The following SLC30A9 variants were observed in gnomAD, a reference collection of about 807,000 sequenced individuals.
SLC30A9 encodes proton-coupled zinc antiporter SLC30A9, mitochondrial.
A neutral mutation model predicts 87.5 loss-of-function variants in SLC30A9; 58 were observed. That is an observed-to-expected ratio of 0.66 (90% CI 0.54 to 0.82). The LOEUF (loss-of-function observed/expected upper bound fraction) is 0.82, where lower values mean the gene tolerates loss of function less well. SLC30A9 is among the 40% of genes least tolerant of loss of function. The pLI, the probability that SLC30A9 is intolerant of heterozygous loss-of-function variation, is 0.00. For missense variants in SLC30A9, 557 were observed against 679.1 expected (o/e 0.82, Z 2.00); for synonymous variants, 234 against 233.0 (o/e 1.00, Z -0.04).
intron 12 of SLC30A9, 130 bp from the exon 13 acceptor site, chr4:42,066,420 A>G (rs1418495159): frequency 1.5e-5 from 8 of 532,568 alleles, no homozygotes; most frequent in Admixed American, 1.3e-4. Flanking sequence ...ACTAATTAAC[A>G]TAGAACTTGT....
At chr4:42,013,717 T>C (rs1469972257) in intron 2 of SLC30A9, among the ~76,000 whole-genome samples, 1 of 152,162 alleles carries the variant, frequency 6.6e-6, no homozygotes, top group Non-Finnish European at 1.5e-5. Context: ...ACTAGACCCC[T>C]TCTCTCGCCA....
intron 2 of SLC30A9, among the ~76,000 whole-genome samples, chr4:42,012,557 G>A (rs987334021): frequency 1.3e-5 from 2 of 152,132 alleles, no homozygotes; most frequent in Admixed American, 6.5e-5. Context: ...AGCGCGTGAT[G>A]GAGAATGGGG....
chr4:42,014,208 T>A (rs1302261934), intron 2 of SLC30A9, among the ~76,000 whole-genome samples: 1 of 152,118 alleles, frequency 6.6e-6, no homozygotes, highest in Non-Finnish European at 1.5e-5. Flanking sequence ...TTCAAAAGGC[T>A]TTTATCCAAA....
At chr4:42,021,802 T>C (rs1271837744) in intron 4 of SLC30A9, among the ~76,000 whole-genome samples, 1 of 152,038 alleles carries the variant, frequency 6.6e-6, no homozygotes. Context: ...CAGGCTGGAG[T>C]GCAGTGGCAC....
At chr4:41,991,734 A>G (rs556054149) in intron 1 of SLC30A9, among the ~76,000 whole-genome samples, 1 of 152,326 alleles carries the variant, frequency 6.6e-6, no homozygotes, top group East Asian at 1.9e-4. Context: ...CCTTGGCAAC[A>G]TAGTGAGCTG....
chr4:42,070,502 G>A (rs1219544742), intron 14 of SLC30A9, 24 bp from the exon 15 acceptor site: 1 of 1,590,576 alleles, frequency 6.3e-7, no homozygotes, highest in South Asian at 1.1e-5. Context: ...TTAATTTACT[G>A]ATTTTTTTAT....
rs1441344287 is a variant in SLC30A9 at position 42,089,047 on chromosome 4, A to C, written c.*2921A>C. 2 of 152,184 alleles carry C rather than the reference A, an allele frequency of 1.3e-5. No homozygotes were observed. Among genetic ancestry groups the C allele is most frequent in the Non-Finnish European group, 2.9e-5 (2 of 68,032 alleles). The allele number at this position is 152,184 out of a possible 1,614,324, so 9.4% of individuals were successfully genotyped here. ...TCTTACTTTGTATCTACTTTGGCAT[A>C]TAGCATTTGAGTATTAAAGCATATA... On this transcript the variant is annotated 3_prime_UTR_variant, in exon 18 of 18. Coordinates refer to ENST00000264451, the MANE Select transcript of SLC30A9 (RefSeq NM_006345.4).
At chr4:42,082,088 G>C (rs2153141548) in intron 17 of SLC30A9, among the ~76,000 whole-genome samples, 1 of 152,076 alleles carries the variant, frequency 6.6e-6, no homozygotes, top group Middle Eastern at 3.4e-3. Context: ...GTGGTGGCAG[G>C]CACCTGTAGT....
chr4:42,022,800 A>C, intron 4 of SLC30A9, 38 bp from the exon 5 acceptor site: 1 of 1,237,892 alleles, frequency 8.1e-7, no homozygotes, highest in Non-Finnish European at 1.2e-6. Flanking sequence ...AACTATATGC[A>C]CTTTGTCTGA....
At chr4:42,085,384 T>C (rs776550645) in intron 17 of SLC30A9, among the ~76,000 whole-genome samples, 4 of 152,234 alleles carry the variant, frequency 2.6e-5, no homozygotes, top group Non-Finnish European at 4.4e-5. Flanking sequence ...TTACTAGCAG[T>C]GTGACTTCAG....
Position 42,020,495 on chromosome 4 carries a change from T to G in SLC30A9, c.414T>G (p.Asn138Lys). ...NNFITGVRAINEFCLKSSDLE... is the reference protein window; with the variant it reads ...NNFITGVRAIKEFCLKSSDLE... ...TCATCACTGGAGTCAGAGCGATAAA[T>G]GAGTTCTGCCTCAAATCCAGGTAAT... The change falls in exon 4 of 18, where the codon AAT (asparagine) becomes AAG (lysine). Residue 138 changes from asparagine (N) to lysine (K), a missense_variant. Physicochemically the swap from Asn to Lys is moderately conservative, Grantham distance 94. This residue lies in a region of SLC30A9 where 467 missense variants were observed against 529.8 expected (regional missense o/e 0.88). Coordinates refer to ENST00000264451, the MANE Select transcript of SLC30A9 (RefSeq NM_006345.4). 1.3e-6 allele frequency: 2 copies of G among 1,592,378 alleles called. No homozygotes were observed. Among genetic ancestry groups the G allele is most frequent in the Middle Eastern group, 1.8e-4 (1 of 5,604 alleles).
intron 1 of SLC30A9, among the ~76,000 whole-genome samples, chr4:41,991,785 G>A (rs965239590): frequency 1.3e-5 from 2 of 152,228 alleles, no homozygotes; most frequent in African/African-American, 4.8e-5. Context: ...TAACATGTTC[G>A]TGACCTCCTG....
intron 7 of SLC30A9, among the ~76,000 whole-genome samples, chr4:42,037,947 A>G (rs965101906): frequency 6.6e-5 from 10 of 151,872 alleles, no homozygotes; most frequent in Admixed American, 6.6e-4. Flanking sequence ...ATTTTTTTGT[A>G]TTTTAGTAGA....
At chr4:41,993,873 A>C (rs1321452619) in intron 1 of SLC30A9, among the ~76,000 whole-genome samples, 1 of 152,122 alleles carries the variant, frequency 6.6e-6, no homozygotes, top group Non-Finnish European at 1.5e-5. Flanking sequence ...ATTATAATTC[A>C]GGGCTGGGTG....
intron 1 of SLC30A9, among the ~76,000 whole-genome samples, chr4:41,996,130 C>T (rs1714688326): frequency 6.6e-6 from 1 of 151,946 alleles, no homozygotes; most frequent in Non-Finnish European, 1.5e-5. Context: ...GAGTTTTGCT[C>T]TTGTTTCCCA....
intron 11 of SLC30A9, among the ~76,000 whole-genome samples, chr4:42,064,475 G>A (rs1447772171): frequency 6.6e-6 from 1 of 152,050 alleles, no homozygotes; most frequent in Admixed American, 6.5e-5. Context: ...TTATTCTCTA[G>A]TTTTCTATAG....
chr4:41,993,973 A>G (rs1577673239), intron 1 of SLC30A9, among the ~76,000 whole-genome samples: 1 of 152,162 alleles, frequency 6.6e-6, no homozygotes, highest in African/African-American at 2.4e-5. Flanking sequence ...CCTGGCCAAC[A>G]TGGTGAAACC....
intron 6 of SLC30A9, among the ~76,000 whole-genome samples, chr4:42,031,266 GAAAA>G (rs200751323): frequency 4.3e-5 from 6 of 139,002 alleles, no homozygotes; most frequent in African/African-American, 1.6e-4. Flanking sequence ...ATGAATACAT[GAAAA>G]AAAAAAAACA....
At chr4:42,020,254 C>T (rs1156861976) in intron 3 of SLC30A9, among the ~76,000 whole-genome samples, 162 bp from the exon 4 acceptor site, 2 of 152,174 alleles carry the variant, frequency 1.3e-5, no homozygotes, top group African/African-American at 4.8e-5. Context: ...GCAATTTCAT[C>T]CTATTCTGCA....
Sources: gnomAD v4.1 joint callset for allele counts (sites outside exome capture counted in the v4.1 genomes callset) on GRCh38, gnomAD v4.1.1 for gene constraint, gnomAD v4.1.1 regional missense constraint, MANE v1.5 for transcripts, NCBI Gene and HGNC (gene_info 2026-07-23, HGNC 2026-07-21) for gene names.